FRMD6: variants seen among roughly 807,000 people sequenced by gnomAD.
The protein encoded by FRMD6 is FERM domain-containing protein 6.
FRMD6 carries 37 observed loss-of-function variants against 73.2 expected under a neutral mutation model. The ratio of observed to expected loss-of-function variants is 0.51; its 90% CI spans 0.39 to 0.66. FRMD6 has a LOEUF of 0.66. FRMD6 is among the 30% of genes least tolerant of loss of function. The pLI is 0.00. For synonymous variants in FRMD6, 273 were observed against 282.2 expected, an observed-to-expected ratio of 0.97 and a Z score of 0.33; for missense variants, 714 against 780.5, an observed-to-expected ratio of 0.91 and a Z score of 1.02.
the FRMD6 span, among the ~76,000 whole-genome samples, chr14:51,398,601 A>T: frequency 6.6e-6 from 1 of 152,134 alleles, no homozygotes; most frequent in Non-Finnish European, 1.5e-5. Flanking sequence ...AGAAATTCTT[A>T]GATTATGAAA....
At chr14:51,425,961 CT>C in the FRMD6 span, among the ~76,000 whole-genome samples, 1 of 152,150 alleles carries the variant, frequency 6.6e-6, no homozygotes, top group East Asian at 1.9e-4. Context: ...TGATTATGTG[CT>C]GAATGAGTGG....
the FRMD6 span, among the ~76,000 whole-genome samples, chr14:51,403,463 C>T: frequency 1.3e-5 from 2 of 152,112 alleles, no homozygotes; most frequent in Non-Finnish European, 2.9e-5. Flanking sequence ...TGCAGTGGCA[C>T]GATCATGTCT....
chr14:51,411,291 T>C, the FRMD6 span, among the ~76,000 whole-genome samples: 1 of 152,346 alleles, frequency 6.6e-6, no homozygotes, highest in South Asian at 2.1e-4. Flanking sequence ...AAAAGTCATG[T>C]AACAATGCAA....
intron 1 of FRMD6, among the ~76,000 whole-genome samples, chr14:51,538,695 A>T (rs985817898): frequency 1.3e-5 from 2 of 152,200 alleles, no homozygotes; most frequent in Non-Finnish European, 2.9e-5. Context: ...CCAAAAATCA[A>T]CTAGCCACCT....
chr14:51,432,429 C>T, the FRMD6 span, among the ~76,000 whole-genome samples: 1 of 152,072 alleles, frequency 6.6e-6, no homozygotes, highest in Admixed American at 6.5e-5. Context: ...GAGGAATTCA[C>T]AGTGGTCTGG....
chr14:51,724,955 G>C (rs1897865146), intron 12 of FRMD6, among the ~76,000 whole-genome samples: 1 of 152,074 alleles, frequency 6.6e-6, no homozygotes, highest in African/African-American at 2.4e-5. Flanking sequence ...AATTTTGGCG[G>C]GTTTCCACCG....
chr14:51,682,104 C>T (rs1894841250), intron 1 of FRMD6, among the ~76,000 whole-genome samples: 1 of 152,090 alleles, frequency 6.6e-6, no homozygotes. Context: ...CTTTGTTTGC[C>T]TTAAATGAAT....
chr14:51,451,475 T>C, the FRMD6 span, among the ~76,000 whole-genome samples: 1 of 152,166 alleles, frequency 6.6e-6, no homozygotes, highest in African/African-American at 2.4e-5. Context: ...TTGGGTTCAA[T>C]TGATTCTCCT....
intron 7 of FRMD6, among the ~76,000 whole-genome samples, chr14:51,709,381 G>C (rs112414719): frequency 1.0e-3 from 157 of 152,318 alleles, no homozygotes; most frequent in African/African-American, 3.5e-3. Context: ...TGTTAAGCAT[G>C]ATGTTAAGTT....
chr14:51,656,449 T>C (rs1892831738), intron 1 of FRMD6, among the ~76,000 whole-genome samples: 1 of 151,554 alleles, frequency 6.6e-6, no homozygotes, highest in Non-Finnish European at 1.5e-5. Flanking sequence ...AGTCTCGCCC[T>C]GTCGCCCAGG....
At chr14:51,522,791 A>G (rs1885022587) in intron 1 of FRMD6, 3 of 152,232 alleles carry the variant, frequency 2.0e-5, no homozygotes, top group Admixed American at 2.0e-4. Flanking sequence ...ACCTAAAAGA[A>G]ATCCTACTTT....
At chr14:51,497,947 T>C (rs1186341965) in intron 1 of FRMD6, among the ~76,000 whole-genome samples, 1 of 152,184 alleles carries the variant, frequency 6.6e-6, no homozygotes, top group African/African-American at 2.4e-5. Context: ...CAGGATTTCA[T>C]AGCCACACTC....
In FRMD6 at chr14:51,669,011, TAAAC is replaced by T. The variant is rs869192853; in HGVS notation, c.-147+17019_-147+17022del. Among the ~76,000 whole-genome samples the T allele has an allele frequency of 7.2e-5, 11 of 152,306 alleles. 2 individuals carry two copies. The highest frequency in any genetic ancestry group is 6.8e-3 in the Middle Eastern group (2 of 294). On this transcript the variant is annotated intron_variant, in intron 1 of 13. Transcript: ENST00000344768. ...TGATGAATCATATGCAATAATAAAA[TAAAC>T]AAATTTTAAGTAGATAATTTGATGA...
At chr14:51,640,235 C>T (rs999708552) in intron 2 of FRMD6, among the ~76,000 whole-genome samples, 2 of 152,210 alleles carry the variant, frequency 1.3e-5, no homozygotes, top group African/African-American at 2.4e-5. Context: ...ATTCCTCCCC[C>T]TCCACGTTTT....
chr14:51,680,639 C>T (rs1181516998), intron 1 of FRMD6, among the ~76,000 whole-genome samples: 1 of 151,966 alleles, frequency 6.6e-6, no homozygotes, highest in Non-Finnish European at 1.5e-5. Flanking sequence ...TTTGATTTAG[C>T]AGCTTTCTTT....
At chr14:51,663,585 T>TA (rs1893376626) in intron 1 of FRMD6, among the ~76,000 whole-genome samples, 1 of 152,056 alleles carries the variant, frequency 6.6e-6, no homozygotes, top group South Asian at 2.1e-4. Context: ...AGAGGGGACA[T>TA]ACACTGGGGC....
intron 2 of FRMD6, among the ~76,000 whole-genome samples, chr14:51,607,293 T>C (rs1211926369): frequency 6.6e-6 from 1 of 152,108 alleles, no homozygotes; most frequent in Non-Finnish European, 1.5e-5. Context: ...GACGACTTCT[T>C]CCATGTCTTC....
chr14:51,538,401 A>G (rs2139354299), intron 1 of FRMD6, among the ~76,000 whole-genome samples: 1 of 152,086 alleles, frequency 6.6e-6, no homozygotes, highest in East Asian at 1.9e-4. Context: ...TTTAATTTTA[A>G]TGAAGTTCCA....
chr14:51,528,357 A>G (rs1407440902), intron 1 of FRMD6, among the ~76,000 whole-genome samples: 1 of 152,216 alleles, frequency 6.6e-6, no homozygotes, highest in Non-Finnish European at 1.5e-5. Context: ...CACTAGGAAT[A>G]GGCAGATTTT....
Sources: allele counts gnomAD v4.1 joint callset (sites outside exome capture counted in the v4.1 genomes callset), GRCh38; gene constraint gnomAD v4.1.1; transcripts MANE v1.5; gene names NCBI Gene and HGNC (gene_info 2026-07-23, HGNC 2026-07-21).